RARB: variants seen among roughly 807,000 people sequenced by gnomAD.
RARB encodes the protein HBV-activated protein.
In RARB, 17 loss-of-function variants were observed where a neutral mutation model predicts 51.9. The ratio of observed to expected loss-of-function variants is 0.33; its 90% CI spans 0.22 to 0.49. The LOEUF (loss-of-function observed/expected upper bound fraction) is 0.49. Ranked by LOEUF, RARB falls within the 20% of genes least tolerant of loss-of-function variation. RARB has a pLI of 0.99. For synonymous variants in RARB, 215 were observed against 195.4 expected (o/e 1.10, Z -0.84); for missense variants, 369 against 550.8 (o/e 0.67, Z 3.30).
intron 5 of RARB, among the ~76,000 whole-genome samples, chr3:25,241,218 A>T (rs1019039489): frequency 6.6e-6 from 1 of 152,198 alleles, no homozygotes; most frequent in African/African-American, 2.4e-5. Context: ...ATATATTTGT[A>T]CAATTTCCAA....
intron 1 of RARB, among the ~76,000 whole-genome samples, chr3:25,455,906 C>T (rs148323468): frequency 3.3e-5 from 5 of 152,256 alleles, no homozygotes; most frequent in African/African-American, 1.2e-4. Context: ...AAAGCAGATC[C>T]GAATTATTCC....
intron 2 of RARB, among the ~76,000 whole-genome samples, chr3:25,045,877 G>A (rs2125297246): frequency 6.6e-6 from 1 of 152,344 alleles, no homozygotes; most frequent in Non-Finnish European, 1.5e-5. Context: ...AAAGAGGACA[G>A]TTGTAAATAC....
intron 5 of RARB, among the ~76,000 whole-genome samples, chr3:25,208,473 A>G (rs932489305): frequency 2.6e-5 from 4 of 152,070 alleles, no homozygotes; most frequent in African/African-American, 7.2e-5. Flanking sequence ...TTTCTTTGCT[A>G]TATTTAAACA....
chr3:25,179,355 C>G (rs529968026), intron 5 of RARB, among the ~76,000 whole-genome samples: 1 of 152,248 alleles, frequency 6.6e-6, no homozygotes, highest in Admixed American at 6.5e-5. Context: ...TAATTTCTAC[C>G]ATCACCTTTT....
chr3:25,464,292 T>C (rs998100028), intron 2 of RARB, among the ~76,000 whole-genome samples: 2 of 152,198 alleles, frequency 1.3e-5, no homozygotes, highest in Non-Finnish European at 2.9e-5. Context: ...TTTAATCAGC[T>C]CATAGTCAGT....
At chr3:24,871,412 T>C (rs189732328) in intron 2 of RARB, among the ~76,000 whole-genome samples, 2 of 152,250 alleles carry the variant, frequency 1.3e-5, no homozygotes, top group Admixed American at 1.3e-4. Flanking sequence ...TTGACACAAT[T>C]TTCATTTGGC....
intron 5 of RARB, among the ~76,000 whole-genome samples, chr3:25,230,332 G>A (rs918180366): frequency 2.6e-5 from 4 of 152,036 alleles, no homozygotes; most frequent in African/African-American, 7.2e-5. Context: ...TGAACTTAGT[G>A]GTCAAGCTGT....
chr3:25,572,837 A>G (rs1056542584), intron 4 of RARB, among the ~76,000 whole-genome samples: 5 of 152,112 alleles, frequency 3.3e-5, no homozygotes, highest in African/African-American at 1.2e-4. Flanking sequence ...GTATCTTAGC[A>G]TAGCCAAGTC....
At chr3:24,885,643 G>C (rs1023513418) in intron 2 of RARB, among the ~76,000 whole-genome samples, 2 of 152,114 alleles carry the variant, frequency 1.3e-5, no homozygotes, top group Admixed American at 6.5e-5. Flanking sequence ...TCCTAATTTT[G>C]AGTAGCAGTG....
At position 25,084,168 on chromosome 3, in the gene RARB, C is replaced by T. The variant is rs4622868; in HGVS notation, c.-328+23992C>T. ...CACATTCTATCTAACTCAGCAGTTCCGTGTTCCAGTTGACTCCTCCTCTTC... is the reference window on the plus strand; with the variant it reads ...CACATTCTATCTAACTCAGCAGTTCTGTGTTCCAGTTGACTCCTCCTCTTC... On this transcript the variant is annotated intron_variant, in intron 3 of 11. Transcript: ENST00000383772. Among the ~76,000 whole-genome samples, 824 of 152,260 alleles carry T rather than the reference C, an allele frequency of 5.4e-3. 19 individuals are homozygous for T. In the East Asian group the frequency reaches 0.062, roughly 12 times the overall value.
chr3:25,372,267 GTA>G (rs575670978), intron 5 of RARB, among the ~76,000 whole-genome samples: 45 of 152,300 alleles, frequency 3.0e-4, no homozygotes, highest in African/African-American at 9.4e-4. Context: ...CCTGTCCTAT[GTA>G]TTGTAGGATA....
At chr3:25,114,641 C>T (rs1436437640) in intron 3 of RARB, among the ~76,000 whole-genome samples, 1 of 152,172 alleles carries the variant, frequency 6.6e-6, no homozygotes, top group African/African-American at 2.4e-5. Context: ...AATTGCCATT[C>T]TTTGCATGCA....
intron 2 of RARB, among the ~76,000 whole-genome samples, chr3:25,017,041 C>T (rs1306227730): frequency 6.6e-6 from 1 of 152,076 alleles, no homozygotes; most frequent in Non-Finnish European, 1.5e-5. Context: ...CCAAAGTCAG[C>T]CCATGTTTAA....
intron 3 of RARB, among the ~76,000 whole-genome samples, chr3:25,090,741 C>G (rs934837857): frequency 6.6e-6 from 1 of 152,232 alleles, no homozygotes. Context: ...CAAACAAAGT[C>G]TAACTTTTAA....
chr3:25,259,563 G>A lies in RARB; in HGVS notation c.178+84988G>A, dbSNP rs149865983. Among the ~76,000 whole-genome samples the A allele has an allele frequency of 2.5e-3, 376 of 152,198 alleles. 2 individuals are homozygous for A. The highest frequency in any genetic ancestry group is 8.2e-3 in the African/African-American group (341 of 41,558). ...TGACTGCCTACAGCAGAGCATTGCA[G>A]TTCTTCCTCCCATCTACTGACTGGA... On this transcript the variant is annotated intron_variant, in intron 5 of 11. Coordinates refer to the RARB transcript ENST00000383772.
At chr3:25,043,085 G>A (rs568068554) in intron 2 of RARB, among the ~76,000 whole-genome samples, 23 of 152,330 alleles carry the variant, frequency 1.5e-4, no homozygotes, top group Non-Finnish European at 3.2e-4. Flanking sequence ...AGGGTGTTGT[G>A]TAAAAGGCTC....
chr3:24,985,914 T>C (rs1431667270), intron 2 of RARB, among the ~76,000 whole-genome samples: 1 of 152,196 alleles, frequency 6.6e-6, no homozygotes, highest in African/African-American at 2.4e-5. Flanking sequence ...AGGACAGAAC[T>C]GCAAAGAGAA....
chr3:25,035,613 C>T (rs534292383), intron 2 of RARB, among the ~76,000 whole-genome samples: 1 of 152,060 alleles, frequency 6.6e-6, no homozygotes, highest in Admixed American at 6.6e-5. Context: ...GTTGCTTCAC[C>T]TAAACTATGT....
At chr3:25,214,425 C>T (rs1171760332) in intron 5 of RARB, among the ~76,000 whole-genome samples, 1 of 152,252 alleles carries the variant, frequency 6.6e-6, no homozygotes, top group African/African-American at 2.4e-5. Flanking sequence ...CACCGGGAGA[C>T]AATATCTGAG....
Sources: gnomAD v4.1 joint callset for allele counts (sites outside exome capture counted in the v4.1 genomes callset) on GRCh38, gnomAD v4.1.1 for gene constraint, MANE v1.5 for transcripts, NCBI Gene and HGNC (gene_info 2026-07-23, HGNC 2026-07-21) for gene names.